The following LAMB4 variants were observed in gnomAD, a reference collection of about 807,000 sequenced individuals.
LAMB4 encodes laminin subunit beta-4.
LAMB4 carries 196 observed loss-of-function variants against 199.2 expected under a neutral mutation model. The ratio of observed to expected loss-of-function variants is 0.98; its 90% CI spans 0.88 to 1.11. The LOEUF is 1.11. Ranked by LOEUF, LAMB4 falls within the 50% of genes least tolerant of loss-of-function variation. LAMB4 has a pLI of 0.00. For synonymous variants in LAMB4, 744 were observed against 770.6 expected (o/e 0.97, Z 0.57); for missense variants, 2,080 against 2,171.2 (o/e 0.96, Z 0.83).
chr7:108,092,352 C>T lies in LAMB4; in HGVS notation c.1535G>A (p.Gly512Asp), dbSNP rs2037440132. 1 of 1,613,338 alleles carries T rather than the reference C, an allele frequency of 6.2e-7. No homozygotes were observed. Among genetic ancestry groups the T allele is most frequent in the South Asian group, 1.1e-5 (1 of 91,048 alleles). The change falls in exon 13 of 34, where the codon GGT becomes GAT. Residue 512 changes from glycine to aspartate, a missense_variant. Physicochemically the swap from Gly to Asp is moderately conservative, Grantham distance 94. Transcript: ENST00000388781. ...GCSPCDCDIG[G>D]AYSNVCSPKN... The stretch of plus-strand genomic sequence containing the variant: ...TTTGACTTACACGTTAGAATAAGCA[C>T]CTCCAATATCACAGTCACAGGGAGA...
At chr7:108,094,900 G>T (rs1167221049) in intron 12 of LAMB4, among the ~76,000 whole-genome samples, 1 of 152,082 alleles carries the variant, frequency 6.6e-6, no homozygotes, top group Non-Finnish European at 1.5e-5. Flanking sequence ...AGTTCTGGTG[G>T]CCCAAAACAT....
At chr7:108,119,403 T>G (rs1197327865) in intron 2 of LAMB4, among the ~76,000 whole-genome samples, 3 of 152,124 alleles carry the variant, frequency 2.0e-5, no homozygotes, top group Non-Finnish European at 4.4e-5. Flanking sequence ...GGGTGAAGGG[T>G]TAAACCAAGT....
intron 17 of LAMB4, chr7:108,075,803 T>C (rs746811965): frequency 1.9e-5 from 3 of 154,580 alleles, no homozygotes; most frequent in Non-Finnish European, 4.3e-5. Flanking sequence ...CTACTAAAAA[T>C]ACAAAAATTA....
chr7:108,018,718 A>C, downstream of LAMB4, among the ~76,000 whole-genome samples: 1 of 151,746 alleles, frequency 6.6e-6, no homozygotes, highest in East Asian at 1.9e-4. Flanking sequence ...AACAAAAACA[A>C]AAAAGAGGCC....
chr7:108,021,839 C>T (rs977607510), downstream of LAMB4, among the ~76,000 whole-genome samples: 4 of 152,182 alleles, frequency 2.6e-5, no homozygotes, highest in African/African-American at 9.7e-5. Context: ...AAAATCCTTC[C>T]TATCTTGGAG....
intron 2 of LAMB4, among the ~76,000 whole-genome samples, chr7:108,117,652 A>C (rs180991554): frequency 4.6e-5 from 7 of 152,318 alleles, no homozygotes; most frequent in Non-Finnish European, 8.8e-5. Context: ...AAGTGAAAGC[A>C]AGTTTATTAG....
At position 108,116,413 on chromosome 7, in the gene LAMB4, C is replaced by T. The variant is rs150032667; in HGVS notation, c.35-252G>A. 2.6e-3 allele frequency among the ~76,000 whole-genome samples: 393 copies of T among 152,074 alleles called. 1 individual carries two copies. The highest frequency in any genetic ancestry group is 8.7e-3 in the African/African-American group (359 of 41,486). On this transcript the variant is annotated intron_variant, in intron 2 of 33. Coordinates refer to ENST00000388781, the MANE Select transcript of LAMB4 (RefSeq NM_007356.3). ...AGATTTGGATTAAAAATAAATACTT[C>T]TAAAATGTGTTGAACTGAACTCCAT...
chr7:108,014,842 C>T, the LAMB4 span, among the ~76,000 whole-genome samples: 2 of 152,108 alleles, frequency 1.3e-5, no homozygotes, highest in African/African-American at 4.8e-5. Flanking sequence ...CTTACCTCAG[C>T]CTCCAGAGTA....
intron 10 of LAMB4, among the ~76,000 whole-genome samples, chr7:108,098,958 T>C (rs180709110): frequency 1.3e-5 from 2 of 152,270 alleles, no homozygotes; most frequent in Admixed American, 1.3e-4. Context: ...GGTGAACTGT[T>C]GTTCATTTAA....
At chr7:108,045,960 G>T (rs2150515333) in intron 28 of LAMB4, among the ~76,000 whole-genome samples, 1 of 152,136 alleles carries the variant, frequency 6.6e-6, no homozygotes, top group African/African-American at 2.4e-5. Flanking sequence ...TGTGTATCTT[G>T]GCTGTGGTTC....
At position 108,023,982 on chromosome 7, in the gene LAMB4, G is replaced by C. The variant is rs1279393665; in HGVS notation, c.*57C>G. ...TTTCACAGGTTCAACAGAGCCCCAG[G>C]GGCTTGTACATCAGAAACCAGAAAC... On this transcript the variant is annotated 3_prime_UTR_variant, in exon 34 of 34. Transcript: ENST00000388781. The C allele has an allele frequency of 4.1e-6, 6 of 1,479,778 alleles. No homozygotes were observed. The East Asian group carries it at 1.4e-4, about 35-fold the overall frequency. 91.7% of individuals were successfully genotyped at this position (1,479,778 alleles called of 1,614,324 possible). A position where few individuals can be genotyped will look rare whatever the true frequency, so the allele number is the denominator to read the frequency against.
intron 24 of LAMB4, among the ~76,000 whole-genome samples, chr7:108,056,299 A>C (rs2035984025): frequency 1.3e-5 from 2 of 152,164 alleles, no homozygotes; most frequent in South Asian, 4.1e-4. Context: ...TTGAGTAAGA[A>C]GTATGATTTA....
intron 22 of LAMB4, among the ~76,000 whole-genome samples, chr7:108,063,256 C>A (rs968237099): frequency 1.7e-4 from 26 of 152,116 alleles, no homozygotes; most frequent in African/African-American, 6.3e-4. Flanking sequence ...TCTTATTTTT[C>A]CCTCATGTCA....
intron 17 of LAMB4, among the ~76,000 whole-genome samples, chr7:108,076,279 C>T (rs1414222324): frequency 6.6e-6 from 1 of 152,060 alleles, no homozygotes; most frequent in African/African-American, 2.4e-5. Context: ...AAGCCTGGGT[C>T]TGAAGGGCTG....
intron 17 of LAMB4, among the ~76,000 whole-genome samples, chr7:108,071,925 A>G (rs2036546999): frequency 6.7e-6 from 1 of 150,050 alleles, no homozygotes; most frequent in Non-Finnish European, 1.5e-5. Flanking sequence ...CTCAGGATAA[A>G]AATCTGAACT....
At position 108,030,970 on chromosome 7, in the gene LAMB4, G is replaced by A; in HGVS notation, c.4828C>T (p.Gln1610Ter). 1.9e-6 allele frequency: 3 copies of A among 1,612,016 alleles called. No individual in the cohort carries two copies. The highest frequency in any genetic ancestry group is 2.5e-6 in the Non-Finnish European group (3 of 1,179,134). The change falls in exon 32 of 34, where the codon CAA becomes TAA. Residue 1610 changes from glutamine to a stop codon, truncating the protein, a stop_gained. Coordinates refer to ENST00000388781, the MANE Select transcript of LAMB4 (RefSeq NM_007356.3). LOFTEE classifies it high-confidence loss of function. ...IKKNVLQAEN[Q>*]TREMKSELEL... ...AGCTCACTCTTCATTTCCCTGGTTT[G>A]ATTTTCAGCCTGTTGTTGATTTAAA...
intron 8 of LAMB4, among the ~76,000 whole-genome samples, chr7:108,105,421 T>C (rs1305717779): frequency 2.0e-5 from 3 of 152,226 alleles, no homozygotes; most frequent in African/African-American, 4.8e-5. Flanking sequence ...GTGAAATTAT[T>C]AGGTTGGTAC....
At chr7:108,098,865 A>T (rs1429797264) in intron 10 of LAMB4, among the ~76,000 whole-genome samples, 1 of 152,206 alleles carries the variant, frequency 6.6e-6, no homozygotes, top group Non-Finnish European at 1.5e-5. Flanking sequence ...AGACTAGATT[A>T]TGTTAAGAAT....
Position 108,106,492 on chromosome 7 carries a change from T to C in LAMB4, c.655+17A>G, listed in dbSNP as rs1419271606. On this transcript the variant is annotated intron_variant, in intron 7 of 33. Coordinates refer to ENST00000388781, the MANE Select transcript of LAMB4 (RefSeq NM_007356.3). ...ATTTTTTTAAAGCTGATATGAAAAA[T>C]ATAAAGGAATTCATACCTTGGATGT... 6.9e-7 allele frequency: 1 copy of C among 1,444,190 alleles called. No homozygotes were observed. The highest frequency in any genetic ancestry group is 2.3e-5 in the East Asian group (1 of 44,044). 89.5% of individuals were successfully genotyped at this position (1,444,190 alleles called of 1,614,324 possible).
Sources: gnomAD v4.1 joint callset for allele counts (sites outside exome capture counted in the v4.1 genomes callset) on GRCh38, gnomAD v4.1.1 for gene constraint, MANE v1.5 for transcripts, NCBI Gene and HGNC (gene_info 2026-07-23, HGNC 2026-07-21) for gene names.